Variants in CACNA2D3 observed in about 807,000 individuals in gnomAD.
The protein encoded by CACNA2D3 is calcium voltage-gated channel auxiliary subunit alpha2delta 3, also known as voltage-dependent calcium channel subunit alpha-2/delta-3.
CACNA2D3 carries 60 observed loss-of-function variants against 160.6 expected under a neutral mutation model. The ratio of observed to expected loss-of-function variants is 0.37; its 90% CI spans 0.30 to 0.46. CACNA2D3 has a LOEUF of 0.46. Ranked by LOEUF, CACNA2D3 falls within the 20% of genes least tolerant of loss-of-function variation. The probability of loss-of-function intolerance (pLI) is 1.00; values close to 1 mark genes in which losing one functional copy is unlikely to be tolerated. For missense variants in CACNA2D3, 1,205 were observed against 1,365.0 expected (o/e 0.88, Z 1.85); for synonymous variants, 558 against 492.9 (o/e 1.13, Z -1.75).
intron 3 of CACNA2D3, among the ~76,000 whole-genome samples, chr3:54,344,823 G>A (rs781046585): frequency 2.0e-5 from 3 of 152,124 alleles, no homozygotes; most frequent in Non-Finnish European, 2.9e-5. Flanking sequence ...GACGGCTAAG[G>A]CATTCTCAGT....
rs575419042 is a variant in CACNA2D3, at chr3:54,940,643, TC to T, written c.2450-27806del. Among the ~76,000 whole-genome samples, 452 of 152,278 alleles carry T rather than the reference TC, an allele frequency of 3.0e-3. 3 individuals carry two copies. Among genetic ancestry groups the T allele is most frequent in the African/African-American group, 0.01 (425 of 41,522 alleles). ...TATTGGAAGTGAACATCACTAGTTT[TC>T]TGGGTGTGAATGCCTAAAAGGACCA... On this transcript the variant is annotated intron_variant, in intron 27 of 37. Coordinates refer to ENST00000474759, the MANE Select transcript of CACNA2D3 (RefSeq NM_018398.3).
At chr3:54,636,547 A>G (rs952444644) in intron 10 of CACNA2D3, among the ~76,000 whole-genome samples, 5 of 152,010 alleles carry the variant, frequency 3.3e-5, no homozygotes, top group African/African-American at 1.2e-4. Flanking sequence ...AGGGCCTCTA[A>G]AAGTATTAAA....
chr3:55,067,432 T>G (rs73845269), intron 35 of CACNA2D3, among the ~76,000 whole-genome samples: 2,592 of 152,344 alleles, frequency 0.017, 73 homozygotes, highest in African/African-American at 0.059. Flanking sequence ...ATCTGTAAAA[T>G]GGGCATAATT....
At chr3:54,871,456 G>A in intron 17 of CACNA2D3, 83 bp from the exon 18 acceptor site, 2 of 1,012,362 alleles carry the variant, frequency 2.0e-6, no homozygotes, top group Non-Finnish European at 1.5e-6. Flanking sequence ...CCATGAAACA[G>A]GACTTGGGAA....
intron 35 of CACNA2D3, among the ~76,000 whole-genome samples, chr3:55,041,480 C>A (rs550811930): frequency 6.6e-6 from 1 of 152,240 alleles, no homozygotes; most frequent in Non-Finnish European, 1.5e-5. Flanking sequence ...AAAATGCTAA[C>A]TTATTGTAGT....
At chr3:54,635,225 G>A (rs1182493736) in intron 10 of CACNA2D3, among the ~76,000 whole-genome samples, 2 of 151,952 alleles carry the variant, frequency 1.3e-5, no homozygotes, top group Non-Finnish European at 2.9e-5. Flanking sequence ...GAATAAGAAG[G>A]AGAAAAACAG....
intron 27 of CACNA2D3, among the ~76,000 whole-genome samples, chr3:54,920,754 CA>C (rs1023983213): frequency 6.6e-5 from 10 of 152,176 alleles, no homozygotes; most frequent in Non-Finnish European, 1.0e-4. Context: ...AGACTTCTAT[CA>C]GGGGAAGCAA....
chr3:54,773,246 A>G (rs1702352902), intron 13 of CACNA2D3, among the ~76,000 whole-genome samples: 1 of 152,214 alleles, frequency 6.6e-6, no homozygotes, highest in Non-Finnish European at 1.5e-5. Flanking sequence ...TTTAGGAGTC[A>G]TTTGGGTGAT....
chr3:54,539,318 T>A (rs1246587188), intron 5 of CACNA2D3, among the ~76,000 whole-genome samples: 2 of 152,198 alleles, frequency 1.3e-5, no homozygotes, highest in Non-Finnish European at 2.9e-5. Flanking sequence ...ACCAGTGTTA[T>A]TTTTTTAGGG....
At chr3:54,301,088 C>G (rs1703465297) in intron 2 of CACNA2D3, among the ~76,000 whole-genome samples, 1 of 151,608 alleles carries the variant, frequency 6.6e-6, no homozygotes, top group African/African-American at 2.4e-5. Flanking sequence ...GATCTTGTCT[C>G]TATCAAAAGA....
chr3:54,625,295 A>T (rs1699072901), intron 9 of CACNA2D3, among the ~76,000 whole-genome samples: 1 of 152,112 alleles, frequency 6.6e-6, no homozygotes, highest in African/African-American at 2.4e-5. Flanking sequence ...AGAAAAAAAA[A>T]TATTATTTTG....
intron 13 of CACNA2D3, among the ~76,000 whole-genome samples, chr3:54,814,284 G>T (rs1053299006): frequency 6.6e-6 from 1 of 152,172 alleles, no homozygotes; most frequent in Non-Finnish European, 1.5e-5. Flanking sequence ...AAAACCTAGC[G>T]GCCATCCAAG....
At chr3:54,958,092 A>G (rs904978470) in intron 27 of CACNA2D3, among the ~76,000 whole-genome samples, 1 of 152,256 alleles carries the variant, frequency 6.6e-6, no homozygotes, top group African/African-American at 2.4e-5. Context: ...GGTACAGGGA[A>G]TACAGCAGTA....
At chr3:54,804,736 C>A (rs142806979) in intron 13 of CACNA2D3, among the ~76,000 whole-genome samples, 3,374 of 152,228 alleles carry the variant, frequency 0.022, 121 homozygotes, top group African/African-American at 0.074. Context: ...ACCCCAAATC[C>A]ACAGAACATA....
At chr3:54,714,381 G>A (rs1437544369) in intron 11 of CACNA2D3, among the ~76,000 whole-genome samples, 4 of 152,240 alleles carry the variant, frequency 2.6e-5, no homozygotes, top group African/African-American at 7.2e-5. Flanking sequence ...TGGGGCCGGG[G>A]TATCCTTCAG....
In CACNA2D3 at chr3:54,528,255, A is replaced by G. The variant is rs189691021; in HGVS notation, c.544+24601A>G. Among the ~76,000 whole-genome samples the G allele has an allele frequency of 9.9e-4, 128 of 129,632 alleles. No homozygotes were observed. The Middle Eastern group carries it at 0.023, about 23-fold the overall frequency. The allele number at this position is 129,632 out of a possible 152,430, so 85.0% of individuals were successfully genotyped here. On this transcript the variant is annotated intron_variant, in intron 5 of 37. Transcript: ENST00000474759. Reference sequence around the variant, plus strand: ...TAACAGTTTGCAATATTGGGCACAGAATCACTTAACAGATAAAAAAAAAAT... The same window carrying G: ...TAACAGTTTGCAATATTGGGCACAGGATCACTTAACAGATAAAAAAAAAAT...
chr3:54,931,818 A>G (rs1575386478), intron 27 of CACNA2D3, among the ~76,000 whole-genome samples: 1 of 152,210 alleles, frequency 6.6e-6, no homozygotes, highest in African/African-American at 2.4e-5. Context: ...TAACCCTACA[A>G]TAAAATTGAC....
chr3:54,462,398 G>C (rs1002842286), intron 4 of CACNA2D3, among the ~76,000 whole-genome samples: 2 of 152,302 alleles, frequency 1.3e-5, no homozygotes, highest in Middle Eastern at 6.8e-3. Context: ...CATTACTATT[G>C]TGTGGGAGTC....
chr3:54,303,455 G>A (rs1455699083), intron 2 of CACNA2D3, among the ~76,000 whole-genome samples: 3 of 152,194 alleles, frequency 2.0e-5, no homozygotes, highest in Admixed American at 1.3e-4. Flanking sequence ...GACTGGACGA[G>A]TGCATATATC....
Sources: allele counts gnomAD v4.1 joint callset (sites outside exome capture counted in the v4.1 genomes callset), GRCh38; gene constraint gnomAD v4.1.1; transcripts MANE v1.5; gene names NCBI Gene and HGNC (gene_info 2026-07-23, HGNC 2026-07-21).